The following DNAJC1 variants were observed in gnomAD, a reference collection of about 807,000 sequenced individuals.
DNAJC1 encodes DnaJ heat shock protein family (Hsp40) member C1, also known as dnaJ homolog subfamily C member 1.
DNAJC1 carries 58 observed loss-of-function variants against 76.6 expected under a neutral mutation model. The ratio of observed to expected loss-of-function variants is 0.76; its 90% CI spans 0.61 to 0.94. The LOEUF (loss-of-function observed/expected upper bound fraction) is 0.94, where lower values mean the gene tolerates loss of function less well. Among genes scored for constraint, DNAJC1 ranks in the 40% least tolerant of loss-of-function variants. The pLI, the probability that DNAJC1 is intolerant of heterozygous loss-of-function variation, is 0.00. For synonymous variants in DNAJC1, 258 were observed against 267.9 expected (o/e 0.96, Z 0.36); for missense variants, 689 against 677.3 (o/e 1.02, Z -0.19).
Position 22,003,353 on chromosome 10 carries a change from G to C in DNAJC1, c.82C>G (p.Arg28Gly), listed in dbSNP as rs1487092310. ...GLVPFPPPPP[R>G]TPLLWLLLLL... ...AGCAGCAGCCACAGCAGCGGCGTCC[G>C]CGGCGGCGGCGGCGGGAACGGCACC... is the stretch of plus-strand genomic sequence containing the variant. The change falls in exon 1 of 12, where the codon CGG (arginine) becomes GGG (glycine). Residue 28 changes from arginine (R) to glycine (G), a missense_variant. By Grantham distance (125) the Arg-to-Gly change is moderately radical (BLOSUM62 -2). Coordinates refer to ENST00000376980, the MANE Select transcript of DNAJC1 (RefSeq NM_022365.4). 1 of 1,366,008 alleles carries C rather than the reference G, an allele frequency of 7.3e-7. No individual in the cohort carries two copies. The highest frequency in any genetic ancestry group is 1.9e-5 in the South Asian group (1 of 52,018). 84.6% of individuals were successfully genotyped at this position (1,366,008 alleles called of 1,614,324 possible).
At chr10:21,908,751 G>C (rs1023227741) in intron 6 of DNAJC1, among the ~76,000 whole-genome samples, 12 of 151,946 alleles carry the variant, frequency 7.9e-5, no homozygotes, top group African/African-American at 2.7e-4. Context: ...TCATAATACT[G>C]TATTAAAATT....
intron 1 of DNAJC1, among the ~76,000 whole-genome samples, chr10:21,951,091 G>A (rs1837586984): frequency 6.6e-6 from 1 of 152,168 alleles, no homozygotes; most frequent in Non-Finnish European, 1.5e-5. Context: ...GGAGGCCAAG[G>A]CAGGCGGATC....
At chr10:21,892,796 AG>A (rs1266339337) in intron 7 of DNAJC1, among the ~76,000 whole-genome samples, 9 of 152,298 alleles carry the variant, frequency 5.9e-5, no homozygotes, top group African/African-American at 2.2e-4. Context: ...GAATGAAGAG[AG>A]ACATTATATA....
At chr10:21,897,989 A>G (rs1836572226) in intron 7 of DNAJC1, among the ~76,000 whole-genome samples, 2 of 152,244 alleles carry the variant, frequency 1.3e-5, no homozygotes, top group Admixed American at 1.3e-4. Context: ...TCTACATTAA[A>G]AAATCTTAGC....
At chr10:21,991,723 T>C (rs1838328911) in intron 1 of DNAJC1, among the ~76,000 whole-genome samples, 4 of 152,208 alleles carry the variant, frequency 2.6e-5, no homozygotes, top group Non-Finnish European at 5.9e-5. Flanking sequence ...CCAATAAGCA[T>C]TAGGCATATT....
intron 7 of DNAJC1, among the ~76,000 whole-genome samples, chr10:21,892,169 AC>A (rs1187691743): frequency 1.3e-5 from 2 of 152,128 alleles, no homozygotes; most frequent in African/African-American, 2.4e-5. Context: ...ATTTAAAAAA[AC>A]ATTAAAAATA....
At chr10:21,915,661 T>G (rs1435163866) in intron 6 of DNAJC1, among the ~76,000 whole-genome samples, 9 of 152,216 alleles carry the variant, frequency 5.9e-5, no homozygotes, top group Non-Finnish European at 1.3e-4. Flanking sequence ...TTAAACCTCC[T>G]AGTGGTAGTT....
intron 9 of DNAJC1, among the ~76,000 whole-genome samples, chr10:21,784,774 A>G (rs968090685): frequency 4.6e-5 from 7 of 152,314 alleles, no homozygotes; most frequent in Middle Eastern, 3.4e-3. Context: ...GCTGGAAACC[A>G]TCATTCCGAG....
chr10:21,971,255 C>T (rs1837972938), intron 1 of DNAJC1, among the ~76,000 whole-genome samples: 1 of 151,758 alleles, frequency 6.6e-6, no homozygotes, highest in African/African-American at 2.4e-5. Flanking sequence ...TCCCTTTTAA[C>T]ATTAGATTTG....
intron 8 of DNAJC1, among the ~76,000 whole-genome samples, chr10:21,875,215 A>G (rs1836166335): frequency 6.6e-6 from 1 of 152,056 alleles, no homozygotes; most frequent in Non-Finnish European, 1.5e-5. Flanking sequence ...GAGTACAGTG[A>G]TGTGATCAGA....
intron 6 of DNAJC1, among the ~76,000 whole-genome samples, chr10:21,909,413 A>G (rs1836816304): frequency 6.6e-6 from 1 of 152,126 alleles, no homozygotes; most frequent in African/African-American, 2.4e-5. Flanking sequence ...TGTGGTGATT[A>G]TATAAGATAC....
chr10:21,939,274 T>A (rs1048411252), intron 1 of DNAJC1, among the ~76,000 whole-genome samples: 1 of 152,242 alleles, frequency 6.6e-6, no homozygotes, highest in Admixed American at 6.5e-5. Context: ...ATAATCTACC[T>A]GGCTATCAGA....
intron 8 of DNAJC1, among the ~76,000 whole-genome samples, chr10:21,862,785 G>C (rs779391385): frequency 3.9e-5 from 6 of 152,080 alleles, no homozygotes; most frequent in South Asian, 4.2e-4. Flanking sequence ...TTAACACTTA[G>C]AAAAAGAAGG....
intron 1 of DNAJC1, among the ~76,000 whole-genome samples, chr10:21,999,932 C>T (rs868667082): frequency 6.6e-6 from 1 of 152,162 alleles, no homozygotes; most frequent in African/African-American, 2.4e-5. Flanking sequence ...TAACTCTACA[C>T]CTGAATAACC....
At chr10:21,877,973 C>T (rs1269773413) in intron 8 of DNAJC1, among the ~76,000 whole-genome samples, 2 of 152,132 alleles carry the variant, frequency 1.3e-5, no homozygotes, top group Non-Finnish European at 2.9e-5. Context: ...AAGGAAAATA[C>T]CTTTATAGTA....
chr10:21,943,222 T>C (rs1837448216), intron 1 of DNAJC1, among the ~76,000 whole-genome samples: 1 of 151,106 alleles, frequency 6.6e-6, no homozygotes, highest in African/African-American at 2.4e-5. Flanking sequence ...AAAAGAACAA[T>C]TAAAATACAC....
At chr10:21,992,854 CATTAAAGTATTA>C (rs1457832803) in intron 1 of DNAJC1, among the ~76,000 whole-genome samples, 1 of 152,154 alleles carries the variant, frequency 6.6e-6, no homozygotes, top group Admixed American at 6.5e-5. Context: ...CGTTACAGAT[CATTAAAGTATTA>C]CTCTGGAGTT....
intron 9 of DNAJC1, among the ~76,000 whole-genome samples, chr10:21,774,766 C>T (rs1292309350): frequency 7.2e-5 from 11 of 152,152 alleles, no homozygotes; most frequent in African/African-American, 2.7e-4. Context: ...CATGAGCCAC[C>T]GCGCCCGGCC....
At chr10:21,887,939 A>T (rs1204245332) in intron 7 of DNAJC1, among the ~76,000 whole-genome samples, 1 of 152,132 alleles carries the variant, frequency 6.6e-6, no homozygotes, top group South Asian at 2.1e-4. Flanking sequence ...TCGACAGAGT[A>T]AAAAGACAAC....
Sources: gnomAD v4.1 joint callset for allele counts (sites outside exome capture counted in the v4.1 genomes callset) on GRCh38, gnomAD v4.1.1 for gene constraint, MANE v1.5 for transcripts, NCBI Gene and HGNC (gene_info 2026-07-23, HGNC 2026-07-21) for gene names.